AKAP6: variants seen among roughly 807,000 people sequenced by gnomAD.
The protein encoded by AKAP6 is A-kinase anchor protein 6.
AKAP6 carries 58 observed loss-of-function variants against 188.5 expected under a neutral mutation model. That is an observed-to-expected ratio of 0.31 (90% CI 0.25 to 0.38). The LOEUF (loss-of-function observed/expected upper bound fraction) is 0.38. AKAP6 is among the 10% of genes least tolerant of loss of function. The pLI, the probability that AKAP6 is intolerant of heterozygous loss-of-function variation, is 1.00. For missense variants in AKAP6, 2,710 were observed against 2,740.0 expected (o/e 0.99, Z 0.24); for synonymous variants, 989 against 998.6 (o/e 0.99, Z 0.18).
chr14:32,759,234 T>G (rs903668970), intron 11 of AKAP6, among the ~76,000 whole-genome samples: 1 of 152,228 alleles, frequency 6.6e-6, no homozygotes, highest in African/African-American at 2.4e-5. Context: ...TTTTTGAAAT[T>G]AATATTATTA....
chr14:32,431,521 T>G lies in AKAP6; in HGVS notation c.-34-1939T>G, dbSNP rs192031400. On this transcript the variant is annotated intron_variant, in intron 1 of 13. Transcript: ENST00000280979. The stretch of plus-strand genomic sequence containing the variant: ...GTAATTCTCTTTTTTATTTTTTATT[T>G]TTTGAGACGTAGTTTCACTCTTGTT... 2.2e-3 allele frequency among the ~76,000 whole-genome samples: 328 copies of G among 152,332 alleles called. 2 individuals are homozygous for G. The highest frequency in any genetic ancestry group is 7.5e-3 in the African/African-American group (312 of 41,570).
chr14:32,767,309 A>G (rs2032748975), intron 11 of AKAP6, among the ~76,000 whole-genome samples: 1 of 152,128 alleles, frequency 6.6e-6, no homozygotes, highest in Non-Finnish European at 1.5e-5. Flanking sequence ...GCTTTATTGA[A>G]AACCCAAACG....
At chr14:32,451,817 T>C (rs1343865766) in intron 2 of AKAP6, among the ~76,000 whole-genome samples, 1 of 152,010 alleles carries the variant, frequency 6.6e-6, no homozygotes, top group African/African-American at 2.4e-5. Context: ...CTTTTAATAG[T>C]AGTTAGTGGC....
intron 1 of AKAP6, among the ~76,000 whole-genome samples, chr14:32,404,889 C>CAAG (rs1411814975): frequency 7.0e-6 from 1 of 143,608 alleles, no homozygotes; most frequent in African/African-American, 2.6e-5. Flanking sequence ...TCTGAACTGG[C>CAAG]AAGACAGATG....
intron 7 of AKAP6, among the ~76,000 whole-genome samples, chr14:32,623,056 T>A (rs114602191): frequency 0.014 from 2,113 of 152,194 alleles, 54 homozygotes; most frequent in African/African-American, 0.049. Context: ...CCACACACTA[T>A]CCTATGATTC....
intron 7 of AKAP6, among the ~76,000 whole-genome samples, chr14:32,654,927 G>A (rs926660737): frequency 1.3e-5 from 2 of 151,994 alleles, no homozygotes; most frequent in Admixed American, 6.6e-5. Flanking sequence ...ATGCTTTAAG[G>A]ACTTCTATAA....
chr14:32,369,120 A>C (rs530470440), intron 1 of AKAP6, among the ~76,000 whole-genome samples: 3 of 152,318 alleles, frequency 2.0e-5, no homozygotes, highest in Non-Finnish European at 4.4e-5. Flanking sequence ...GTTAAAAACC[A>C]GAGGGAAGCA....
chr14:32,491,546 G>A (rs1044254928), intron 2 of AKAP6, among the ~76,000 whole-genome samples: 1 of 152,188 alleles, frequency 6.6e-6, no homozygotes. Context: ...CAGGCAATGT[G>A]TGATGTGGGA....
At chr14:32,345,632 C>G (rs1339080690) in intron 1 of AKAP6, among the ~76,000 whole-genome samples, 2 of 152,178 alleles carry the variant, frequency 1.3e-5, no homozygotes, top group African/African-American at 4.8e-5. Flanking sequence ...GAGTCAGCCA[C>G]AGTAAGCTCT....
chr14:32,547,135 G>T (rs908101017), intron 4 of AKAP6, 136 bp downstream of exon 4: 5 of 917,594 alleles, frequency 5.4e-6, no homozygotes, highest in Non-Finnish European at 6.3e-6. Flanking sequence ...AGAAAGAAAA[G>T]AAAAAGCACA....
At chr14:32,645,298 C>T (rs185731681) in intron 7 of AKAP6, among the ~76,000 whole-genome samples, 1 of 152,204 alleles carries the variant, frequency 6.6e-6, no homozygotes, top group East Asian at 1.9e-4. Context: ...TTTTCAACCT[C>T]GAATATTTTA....
chr14:32,543,702 G>A (rs895990027), intron 3 of AKAP6, among the ~76,000 whole-genome samples: 1 of 152,190 alleles, frequency 6.6e-6, no homozygotes, highest in African/African-American at 2.4e-5. Context: ...TCTGGTGGCA[G>A]TGTGGAAAAC....
At chr14:32,492,708 A>G (rs1362448542) in intron 2 of AKAP6, among the ~76,000 whole-genome samples, 2 of 152,148 alleles carry the variant, frequency 1.3e-5, no homozygotes, top group Admixed American at 6.5e-5. Flanking sequence ...TCTCTCTTAA[A>G]AAAAATTCTC....
At chr14:32,381,585 G>A (rs940562547) in intron 1 of AKAP6, among the ~76,000 whole-genome samples, 5 of 152,100 alleles carry the variant, frequency 3.3e-5, no homozygotes, top group Non-Finnish European at 7.4e-5. Context: ...AGAAAAATAA[G>A]ACTAAGATCT....
chr14:32,335,825 A>T (rs1886673098), intron 1 of AKAP6, among the ~76,000 whole-genome samples: 1 of 96,002 alleles, frequency 1.0e-5, no homozygotes. Flanking sequence ...TTTTTTTTTT[A>T]ATACTATCCT....
intron 7 of AKAP6, among the ~76,000 whole-genome samples, chr14:32,613,770 G>T (rs1163233615): frequency 2.6e-5 from 4 of 152,088 alleles, no homozygotes; most frequent in Non-Finnish European, 4.4e-5. Flanking sequence ...ATCACACATT[G>T]TTCCTCTTCT....
chr14:32,636,712 A>G lies in AKAP6; in HGVS notation c.2730+35920A>G, dbSNP rs150052395. Reference sequence around the variant, plus strand: ...GTGAAAATGCCTTCAGAAAGTGTTCAGCATGACACTAGCAGGAAAACAATA... The same window carrying G: ...GTGAAAATGCCTTCAGAAAGTGTTCGGCATGACACTAGCAGGAAAACAATA... On this transcript the variant is annotated intron_variant, in intron 7 of 13. Transcript: ENST00000280979. 1.2e-4 allele frequency among the ~76,000 whole-genome samples: 19 copies of G among 152,270 alleles called. No homozygotes were observed. In the East Asian group the frequency reaches 3.7e-3, roughly 29 times the overall value.
At chr14:32,360,049 G>A (rs61981851) in intron 1 of AKAP6, among the ~76,000 whole-genome samples, 22,681 of 152,142 alleles carry the variant, frequency 0.15, 2,328 homozygotes, top group Non-Finnish European at 0.22. Flanking sequence ...AGAATCTGTG[G>A]ATTCCTGTTA....
At chr14:32,728,966 T>C (rs2031030756) in intron 9 of AKAP6, among the ~76,000 whole-genome samples, 1 of 152,158 alleles carries the variant, frequency 6.6e-6, no homozygotes, top group Admixed American at 6.5e-5. Context: ...TCCCTCTATT[T>C]CAAAAAGATT....
Sources: allele counts gnomAD v4.1 joint callset (sites outside exome capture counted in the v4.1 genomes callset), GRCh38; gene constraint gnomAD v4.1.1; transcripts MANE v1.5; gene names NCBI Gene and HGNC (gene_info 2026-07-23, HGNC 2026-07-21).